The following AP3B1 variants were observed in gnomAD, a reference collection of about 807,000 sequenced individuals.
The protein encoded by AP3B1 is AP-3 complex subunit beta-1.
Under a neutral mutation model 132.5 loss-of-function variants are expected in AP3B1, and 61 were observed. That is an observed-to-expected ratio of 0.46 (90% CI 0.37 to 0.57). The LOEUF (loss-of-function observed/expected upper bound fraction) is 0.57. AP3B1 is among the 20% of genes least tolerant of loss of function. The pLI, the probability that AP3B1 is intolerant of heterozygous loss-of-function variation, is 0.00. For missense variants in AP3B1, 1,120 were observed against 1,289.4 expected (o/e 0.87, Z 2.01); for synonymous variants, 388 against 438.3 (o/e 0.89, Z 1.43).
At position 78,165,676 on chromosome 5, in the gene AP3B1, T is replaced by C. The variant is rs756115592; in HGVS notation, c.1168-4A>G. ...CCAAGTTTGTCAAAATTTCAAGCTA[T>C]AGTAGAGAAAAGAGAAAGTAAACAT... On this transcript the variant is annotated splice_polypyrimidine_tract_variant and splice_region_variant and intron_variant, in intron 11 of 26. Transcript: ENST00000255194. The C allele has an allele frequency of 1.8e-5, 28 of 1,587,766 alleles. No homozygotes were observed. The East Asian group carries it at 2.7e-4, about 15-fold the overall frequency.
At chr5:78,027,083 G>C (rs1224487122) in intron 24 of AP3B1, among the ~76,000 whole-genome samples, 1 of 152,000 alleles carries the variant, frequency 6.6e-6, no homozygotes, top group Non-Finnish European at 1.5e-5. Context: ...TTTACTTGTA[G>C]AGAAGTTTTA....
chr5:78,184,052 C>T (rs1744491920), intron 7 of AP3B1, among the ~76,000 whole-genome samples: 2 of 151,420 alleles, frequency 1.3e-5, no homozygotes, highest in South Asian at 4.2e-4. Context: ...CCTGTAATCC[C>T]AGCTACTCAG....
chr5:78,201,770 A>G lies in AP3B1; in HGVS notation c.786+14285T>C, dbSNP rs1745298785. Reference sequence around the variant, plus strand: ...AAGACAGACAGAGAGACATCCAAGGAGATGTATGGGTTTATCTTCCATCAT... The same window carrying G: ...AAGACAGACAGAGAGACATCCAAGGGGATGTATGGGTTTATCTTCCATCAT... On this transcript the variant is annotated intron_variant, in intron 7 of 26. Transcript: ENST00000255194. Among the ~76,000 whole-genome samples the G allele has an allele frequency of 2.0e-5, 3 of 152,314 alleles. No individual in the cohort carries two copies. The South Asian group carries it at 6.2e-4, about 32-fold the overall frequency.
chr5:78,285,718 T>C (rs1187782198), intron 1 of AP3B1, among the ~76,000 whole-genome samples: 1 of 152,236 alleles, frequency 6.6e-6, no homozygotes, highest in Non-Finnish European at 1.5e-5. Context: ...TGACAGCTAT[T>C]CCAAACTTCG....
chr5:78,048,234 G>A (rs1320334370), intron 22 of AP3B1, among the ~76,000 whole-genome samples: 1 of 152,214 alleles, frequency 6.6e-6, no homozygotes, highest in Non-Finnish European at 1.5e-5. Flanking sequence ...ACAACAAAGT[G>A]TTGAGTAAGT....
At chr5:78,086,310 G>A (rs1033638823) in intron 22 of AP3B1, among the ~76,000 whole-genome samples, 1 of 152,120 alleles carries the variant, frequency 6.6e-6, no homozygotes, top group Non-Finnish European at 1.5e-5. Context: ...AATGATGTAC[G>A]TGTAATGAAA....
intron 24 of AP3B1, among the ~76,000 whole-genome samples, chr5:78,022,670 A>C (rs1747154508): frequency 6.6e-6 from 1 of 152,180 alleles, no homozygotes; most frequent in Non-Finnish European, 1.5e-5. Flanking sequence ...ACTACTAGAG[A>C]TTTTTGGCAT....
chr5:78,065,182 G>C (rs1384909425), intron 22 of AP3B1, among the ~76,000 whole-genome samples: 2 of 152,190 alleles, frequency 1.3e-5, no homozygotes, highest in South Asian at 2.1e-4. Flanking sequence ...CCATGGATCT[G>C]TGCAAGACGC....
chr5:78,233,175 T>G (rs1488952287), intron 3 of AP3B1, among the ~76,000 whole-genome samples: 1 of 152,136 alleles, frequency 6.6e-6, no homozygotes, highest in Admixed American at 6.5e-5. Flanking sequence ...ATATTTAAGT[T>G]TTCATGTCTC....
Position 78,139,658 on chromosome 5 carries a change from G to A in AP3B1, c.1650+1485C>T, listed in dbSNP as rs373385823. Among the ~76,000 whole-genome samples the A allele has an allele frequency of 8.5e-5, 13 of 152,264 alleles. No homozygotes were observed. The East Asian group carries it at 2.5e-3, about 29-fold the overall frequency. On this transcript the variant is annotated intron_variant, in intron 15 of 26. Transcript: ENST00000255194. ...AGATAATCCCAAAGCATATAGAAATGAATTTGAGGAATCGACCTAAGGATT... is the reference window on the plus strand; with the variant it reads ...AGATAATCCCAAAGCATATAGAAATAAATTTGAGGAATCGACCTAAGGATT...
chr5:78,127,666 A>T (rs1752517058), intron 17 of AP3B1, among the ~76,000 whole-genome samples: 1 of 152,160 alleles, frequency 6.6e-6, no homozygotes, highest in Non-Finnish European at 1.5e-5. Context: ...ATTATTCAGA[A>T]GGATATTGTC....
chr5:78,267,017 C>T (rs1748349614), intron 2 of AP3B1, among the ~76,000 whole-genome samples: 1 of 152,086 alleles, frequency 6.6e-6, no homozygotes, highest in African/African-American at 2.4e-5. Flanking sequence ...TTTTGCTTTA[C>T]AGCTGAACAC....
At chr5:78,161,528 G>A (rs745764800) in intron 13 of AP3B1, among the ~76,000 whole-genome samples, 3 of 151,904 alleles carry the variant, frequency 2.0e-5, no homozygotes, top group Non-Finnish European at 4.4e-5. Context: ...CATTTTTAAT[G>A]TCACATTTTA....
chr5:78,258,910 A>C (rs1049582291), intron 2 of AP3B1, among the ~76,000 whole-genome samples: 1 of 152,212 alleles, frequency 6.6e-6, no homozygotes, highest in African/African-American at 2.4e-5. Flanking sequence ...GTGGAAATGA[A>C]GATCTTGTTA....
At chr5:78,090,814 TTTA>T (rs1163454302) in intron 21 of AP3B1, among the ~76,000 whole-genome samples, 1 of 152,210 alleles carries the variant, frequency 6.6e-6, no homozygotes, top group Non-Finnish European at 1.5e-5. Flanking sequence ...CATTTCTTTT[TTTA>T]TTTTTATTTT....
intron 7 of AP3B1, among the ~76,000 whole-genome samples, chr5:78,193,522 A>G (rs1431432819): frequency 2.0e-5 from 3 of 151,570 alleles, no homozygotes; most frequent in African/African-American, 7.3e-5. Context: ...TACTAACCAT[A>G]CTTCATATAC....
chr5:78,260,866 TG>T (rs1185162420), intron 2 of AP3B1, among the ~76,000 whole-genome samples: 3 of 37,938 alleles, frequency 7.9e-5, no homozygotes, highest in South Asian at 5.5e-4. Context: ...TACAATTTTT[TG>T]TGTGTGTGTG....
chr5:78,041,997 T>A (rs972214016), intron 22 of AP3B1: 3 of 200,748 alleles, frequency 1.5e-5, no homozygotes, highest in African/African-American at 7.0e-5. Flanking sequence ...TATATACTAA[T>A]TCAAAGCCCC....
chr5:78,148,911 G>A (rs1389802052), intron 14 of AP3B1, among the ~76,000 whole-genome samples: 1 of 152,094 alleles, frequency 6.6e-6, no homozygotes, highest in East Asian at 1.9e-4. Context: ...AACTAAATAT[G>A]AGCAGTGTTA....
Sources: allele counts gnomAD v4.1 joint callset (sites outside exome capture counted in the v4.1 genomes callset), GRCh38; gene constraint gnomAD v4.1.1; transcripts MANE v1.5; gene names NCBI Gene and HGNC (gene_info 2026-07-23, HGNC 2026-07-21).